CDC14A: variants seen among roughly 807,000 people sequenced by gnomAD.
The protein encoded by CDC14A is cell division cycle 14A.
In CDC14A, 53 loss-of-function variants were observed where a neutral mutation model predicts 74.4. The observed-to-expected ratio is 0.71, with a 90% CI of 0.57 to 0.89. The LOEUF (loss-of-function observed/expected upper bound fraction) is 0.89. Among genes scored for constraint, CDC14A ranks in the 40% least tolerant of loss-of-function variants. CDC14A has a pLI of 0.00. For missense variants in CDC14A, 646 were observed against 713.7 expected (o/e 0.91, Z 1.08); for synonymous variants, 247 against 258.4 (o/e 0.96, Z 0.43).
At chr1:100,382,150 G>A (rs1194687137) in intron 3 of CDC14A, among the ~76,000 whole-genome samples, 3 of 148,248 alleles carry the variant, frequency 2.0e-5, no homozygotes, top group African/African-American at 7.4e-5. Flanking sequence ...TGAAAAAGAA[G>A]ACTTTACTAA....
chr1:100,455,589 C>T (rs1164607067), intron 8 of CDC14A, 97 bp downstream of exon 8: 4 of 735,944 alleles, frequency 5.4e-6, no homozygotes, highest in Non-Finnish European at 9.1e-6. Context: ...TGGTAATATT[C>T]TCCAAAGAAT....
intron 10 of CDC14A, among the ~76,000 whole-genome samples, chr1:100,474,922 A>G (rs1668743451): frequency 6.6e-6 from 1 of 151,924 alleles, no homozygotes; most frequent in Admixed American, 6.6e-5. Flanking sequence ...AGGTTTACTC[A>G]GCTTCTTGAA....
intron 2 of CDC14A, among the ~76,000 whole-genome samples, chr1:100,360,294 A>ATG (rs1189259800): frequency 1.3e-5 from 2 of 149,762 alleles, no homozygotes; most frequent in African/African-American, 2.5e-5. Context: ...CAGTGTTATG[A>ATG]TGTAGTATAT....
At chr1:100,415,857 T>C (rs1661469242) in intron 4 of CDC14A, among the ~76,000 whole-genome samples, 1 of 152,238 alleles carries the variant, frequency 6.6e-6, no homozygotes, top group African/African-American at 2.4e-5. Flanking sequence ...ATTTGAGAAA[T>C]GTATAACTTT....
At chr1:100,380,421 A>G (rs1655940857) in intron 3 of CDC14A, among the ~76,000 whole-genome samples, 1 of 152,144 alleles carries the variant, frequency 6.6e-6, no homozygotes, top group Admixed American at 6.5e-5. Flanking sequence ...TGCCCCAGCT[A>G]CCTGACCTTG....
chr1:100,501,744 G>A (rs528068190), intron 15 of CDC14A, among the ~76,000 whole-genome samples: 2 of 152,180 alleles, frequency 1.3e-5, no homozygotes, highest in Admixed American at 6.6e-5. Flanking sequence ...AGAAATGACA[G>A]CTCCATGTGT....
chr1:100,427,476 T>C (rs1557748749), intron 5 of CDC14A, among the ~76,000 whole-genome samples: 1 of 152,234 alleles, frequency 6.6e-6, no homozygotes, highest in Non-Finnish European at 1.5e-5. Context: ...AACATTTATC[T>C]GAGCAGTCAC....
chr1:100,402,034 A>G (rs1424451047), intron 4 of CDC14A, among the ~76,000 whole-genome samples: 1 of 151,838 alleles, frequency 6.6e-6, no homozygotes, highest in East Asian at 1.9e-4. Context: ...GCAGAACTCC[A>G]TTAAAAAAAA....
At chr1:100,503,577 A>AT (rs1648970449) in intron 15 of CDC14A, among the ~76,000 whole-genome samples, 1 of 152,224 alleles carries the variant, frequency 6.6e-6, no homozygotes, top group East Asian at 1.9e-4. Context: ...ACAAGAACAA[A>AT]TGTTAAGGAT....
intron 2 of CDC14A, among the ~76,000 whole-genome samples, chr1:100,359,944 C>CT (rs750715999): frequency 0.014 from 1,777 of 124,672 alleles, 47 homozygotes; most frequent in African/African-American, 0.043. Context: ...TCACCTTCTT[C>CT]TTTTTTTTTT....
At chr1:100,345,112 C>T (rs1166167902) in exon 1 of CDC14A, 4 of 152,052 alleles carry the variant, frequency 2.6e-5, no homozygotes, top group Admixed American at 1.3e-4. Context: ...TCATCACAGG[C>T]AATCAGAAAT....
chr1:100,474,065 T>G (rs1668654448), intron 10 of CDC14A, among the ~76,000 whole-genome samples: 2 of 152,196 alleles, frequency 1.3e-5, no homozygotes, highest in South Asian at 4.1e-4. Context: ...GAATGAGTGT[T>G]GAATCTTGTC....
chr1:100,435,795 G>A (rs1664248383), intron 5 of CDC14A, among the ~76,000 whole-genome samples: 1 of 134,482 alleles, frequency 7.4e-6, no homozygotes, highest in Non-Finnish European at 1.5e-5. Context: ...GTGCGCTCCA[G>A]CCTGGGCTAC....
In CDC14A at chr1:100,400,929, C is replaced by A. The variant is rs370307132; in HGVS notation, c.309+10105C>A. ...AAACTTCCTTTGTGTTGTAAATAAG[C>A]TCTCAAATTTATATACACATACACA... On this transcript the variant is annotated intron_variant, in intron 4 of 15. Coordinates refer to ENST00000336454, the MANE Select transcript of CDC14A (RefSeq NM_003672.4). Among the ~76,000 whole-genome samples the A allele has an allele frequency of 2.7e-4, 41 of 151,968 alleles. No homozygotes were observed. The East Asian group carries it at 7.9e-3, about 29-fold the overall frequency.
chr1:100,384,390 A>G (rs1428582366), intron 3 of CDC14A, among the ~76,000 whole-genome samples: 1 of 152,230 alleles, frequency 6.6e-6, no homozygotes, highest in Non-Finnish European at 1.5e-5. Flanking sequence ...TTTCCTTGTT[A>G]AATGAAACAC....
chr1:100,383,616 C>T (rs981267932), intron 3 of CDC14A: 4 of 152,606 alleles, frequency 2.6e-5, no homozygotes, highest in African/African-American at 9.7e-5. Flanking sequence ...TTGCTGCGGC[C>T]ATTACTGGGC....
At chr1:100,410,682 A>T (rs1445178140) in intron 4 of CDC14A, among the ~76,000 whole-genome samples, 1 of 152,260 alleles carries the variant, frequency 6.6e-6, no homozygotes, top group Non-Finnish European at 1.5e-5. Context: ...CTGTGTTTAA[A>T]AAGTATATTA....
chr1:100,416,235 G>A (rs1461716906), intron 4 of CDC14A, among the ~76,000 whole-genome samples: 1 of 152,152 alleles, frequency 6.6e-6, no homozygotes, highest in African/African-American at 2.4e-5. Context: ...ACTGGTGAGT[G>A]CTTTCCTTTC....
chr1:100,372,489 G>T lies in CDC14A; in HGVS notation c.141-5057G>T, dbSNP rs147931008. Among the ~76,000 whole-genome samples the T allele has an allele frequency of 1.2e-4, 18 of 152,226 alleles. No homozygotes were observed. The East Asian group carries it at 3.5e-3, about 29-fold the overall frequency. ...TGTTGTCATTTCAATAATATTCACAGCATCTTCAAAAGGAGTAAATTCCAT... is the reference window on the plus strand; with the variant it reads ...TGTTGTCATTTCAATAATATTCACATCATCTTCAAAAGGAGTAAATTCCAT... On this transcript the variant is annotated intron_variant, in intron 2 of 15. Coordinates refer to ENST00000336454, the MANE Select transcript of CDC14A (RefSeq NM_003672.4).
Sources: gnomAD v4.1 joint callset for allele counts (sites outside exome capture counted in the v4.1 genomes callset) on GRCh38, gnomAD v4.1.1 for gene constraint, MANE v1.5 for transcripts, NCBI Gene and HGNC (gene_info 2026-07-23, HGNC 2026-07-21) for gene names.